The following RGS7 variants were observed in gnomAD, a reference collection of about 807,000 sequenced individuals.
RGS7 encodes regulator of G protein signaling 7.
In RGS7, 27 loss-of-function variants were observed where a neutral mutation model predicts 81.1. The ratio of observed to expected loss-of-function variants is 0.33; its 90% confidence interval spans 0.25 to 0.46. RGS7 has a LOEUF of 0.46. Ranked by LOEUF, RGS7 falls within the 20% of genes least tolerant of loss-of-function variation. RGS7 has a pLI of 1.00. For synonymous variants in RGS7, 208 were observed against 207.7 expected, an observed-to-expected ratio of 1.00 and a Z score of -0.01; for missense variants, 396 against 607.4, an observed-to-expected ratio of 0.65 and a Z score of 3.66.
chr1:241,067,734 C>G lies in RGS7; in HGVS notation c.175+30932G>C, dbSNP rs374281689. On this transcript the variant is annotated intron_variant, in intron 3 of 18. Transcript: ENST00000440928. The stretch of plus-strand genomic sequence containing the variant: ...TTCACCATGTTGGCCAGGCTGGTCT[C>G]GAACTCCTGACCTCAGGTGATCCAC... Among the ~76,000 whole-genome samples the G allele has an allele frequency of 1.4e-4, 22 of 152,026 alleles. No homozygotes were observed. The East Asian group carries it at 4.1e-3, about 28-fold the overall frequency.
intron 2 of RGS7, among the ~76,000 whole-genome samples, chr1:241,135,973 A>AC: frequency 6.6e-6 from 1 of 152,198 alleles, no homozygotes; most frequent in East Asian, 1.9e-4. Flanking sequence ...AAAAAAAAAA[A>AC]AAACTAGTTT....
At chr1:240,819,815 A>C (rs1041955488) in intron 10 of RGS7, among the ~76,000 whole-genome samples, 1 of 152,204 alleles carries the variant, frequency 6.6e-6, no homozygotes. Flanking sequence ...TGCTTAAAAC[A>C]TCTTCCAGGA....
chr1:240,858,792 A>G (rs1243151391), intron 9 of RGS7, among the ~76,000 whole-genome samples: 1 of 152,166 alleles, frequency 6.6e-6, no homozygotes, highest in Non-Finnish European at 1.5e-5. Flanking sequence ...AATTATATCA[A>G]TTGATTTTCA....
chr1:240,816,478 A>G, intron 10 of RGS7, 63 bp from the exon 11 acceptor site: 1 of 1,081,034 alleles, frequency 9.3e-7, no homozygotes, highest in South Asian at 1.3e-5. Flanking sequence ...CAGACTTTCT[A>G]AAAAGTAACT....
At chr1:241,207,976 G>A (rs1199731583) in intron 2 of RGS7, among the ~76,000 whole-genome samples, 4 of 152,190 alleles carry the variant, frequency 2.6e-5, no homozygotes, top group East Asian at 1.9e-4. Context: ...TACGATCTCC[G>A]CTCACTGCAA....
chr1:241,102,119 G>T (rs1162836095), intron 2 of RGS7, among the ~76,000 whole-genome samples: 1 of 152,130 alleles, frequency 6.6e-6, no homozygotes, highest in East Asian at 1.9e-4. Context: ...TCATGTACAT[G>T]CATTCAGCTG....
intron 3 of RGS7, among the ~76,000 whole-genome samples, chr1:240,989,031 G>A (rs1174308453): frequency 6.6e-6 from 1 of 152,044 alleles, no homozygotes; most frequent in Admixed American, 6.6e-5. Flanking sequence ...CATGAACATG[G>A]GCTGAGCCAT....
At chr1:241,083,616 C>T (rs766121089) in intron 3 of RGS7, among the ~76,000 whole-genome samples, 3 of 152,078 alleles carry the variant, frequency 2.0e-5, no homozygotes, top group African/African-American at 4.8e-5. Context: ...ATGTCTCTTG[C>T]GGATCTAGTT....
chr1:241,204,127 A>G (rs543300736), intron 2 of RGS7, among the ~76,000 whole-genome samples: 1 of 152,360 alleles, frequency 6.6e-6, no homozygotes, highest in Non-Finnish European at 1.5e-5. Flanking sequence ...TGAGCCTGAA[A>G]TGATGGGAGG....
chr1:240,941,082 A>C (rs1677504563), intron 4 of RGS7, among the ~76,000 whole-genome samples: 1 of 152,168 alleles, frequency 6.6e-6, no homozygotes. Context: ...TAATTTTACA[A>C]TTAAGGAAAA....
chr1:241,325,409 C>G (rs1385243497), intron 2 of RGS7, among the ~76,000 whole-genome samples: 6 of 152,176 alleles, frequency 3.9e-5, no homozygotes, highest in Admixed American at 1.3e-4. Flanking sequence ...TGGCTCTCCA[C>G]AGTTACTCAC....
At chr1:241,121,855 G>A (rs191090753) in intron 2 of RGS7, among the ~76,000 whole-genome samples, 45 of 151,448 alleles carry the variant, frequency 3.0e-4, no homozygotes, top group Non-Finnish European at 5.3e-4. Flanking sequence ...CCTCAGGTGC[G>A]TGATACCACA....
intron 2 of RGS7, among the ~76,000 whole-genome samples, chr1:241,329,993 T>G (rs868330443): frequency 9.9e-5 from 15 of 151,956 alleles, no homozygotes; most frequent in African/African-American, 3.6e-4. Flanking sequence ...CAGGCTGGAG[T>G]GGGTGGCGCA....
chr1:240,868,162 G>A lies in RGS7; in HGVS notation c.609+425C>T, dbSNP rs538947588. Among the ~76,000 whole-genome samples, 55 of 149,936 alleles carry A rather than the reference G, an allele frequency of 3.7e-4. No homozygotes were observed. Among genetic ancestry groups the A allele is most frequent in the Admixed American group, 8.6e-4 (13 of 15,164 alleles). On this transcript the variant is annotated intron_variant, in intron 9 of 18. Transcript: ENST00000440928. This position sits in a 1 kb window ranked among gnomAD's most constrained non-coding sequence, Gnocchi z 5.1. ...AGAAAGAAAGAAAGAAAGAAAGGAC[G>A]GAGGGAGGGAAGGACGAAGGAAGGA...
Position 240,850,489 on chromosome 1 carries a change from T to G in RGS7, c.609+18098A>C, listed in dbSNP as rs542483081. Among the ~76,000 whole-genome samples, 3 of 152,330 alleles carry G rather than the reference T, an allele frequency of 2.0e-5. No homozygotes were observed. The South Asian group carries it at 6.2e-4, about 32-fold the overall frequency. ...GATCTGACTGCTGCATCTTCCACTC[T>G]TCAGGCTTCCCTATTTTCTGAGCTA... On this transcript the variant is annotated intron_variant, in intron 9 of 18. Coordinates refer to ENST00000440928, the MANE Select transcript of RGS7 (RefSeq NM_001364886.1).
At chr1:241,320,872 C>T (rs1241250906) in intron 2 of RGS7, among the ~76,000 whole-genome samples, 1 of 152,142 alleles carries the variant, frequency 6.6e-6, no homozygotes, top group Non-Finnish European at 1.5e-5. Flanking sequence ...CTGTGTTAAA[C>T]TAAAATGTAG....
At chr1:240,775,063 G>A (rs1682770006), downstream of RGS7, among the ~76,000 whole-genome samples, 7 of 152,240 alleles carry the variant, frequency 4.6e-5, no homozygotes, top group South Asian at 1.5e-3. Context: ...TCCCAGGGAT[G>A]CCAAGAGGTG....
chr1:241,059,949 CATCAT>C (rs1255471936), intron 3 of RGS7, among the ~76,000 whole-genome samples: 1 of 150,600 alleles, frequency 6.6e-6, no homozygotes, highest in Non-Finnish European at 1.5e-5. Flanking sequence ...CTCCCATTCT[CATCAT>C]ATCCACAGTC....
At chr1:241,169,838 G>A (rs1326373785) in intron 2 of RGS7, among the ~76,000 whole-genome samples, 4 of 152,108 alleles carry the variant, frequency 2.6e-5, no homozygotes, top group Admixed American at 2.6e-4. Flanking sequence ...TCCTATGTAT[G>A]TTCGTATGCG....
Sources: gnomAD v4.1 joint callset for allele counts (sites outside exome capture counted in the v4.1 genomes callset) on GRCh38, gnomAD v4.1.1 for gene constraint, Gnocchi (gnomAD v3.1) non-coding constraint, MANE v1.5 for transcripts, NCBI Gene and HGNC (gene_info 2026-07-23, HGNC 2026-07-21) for gene names.